The following FOXP4 variants were observed in gnomAD, a reference collection of about 807,000 sequenced individuals.
FOXP4 encodes the protein forkhead box protein P4.
In FOXP4, 25 loss-of-function variants were observed where a neutral mutation model predicts 82.6. The observed-to-expected ratio is 0.30, with a 90% confidence interval of 0.22 to 0.42. FOXP4 has a LOEUF of 0.42. Among genes scored for constraint, FOXP4 ranks in the 10% least tolerant of loss-of-function variants. The pLI, the probability that FOXP4 is intolerant of heterozygous loss-of-function variation, is 1.00. For missense variants in FOXP4, 785 were observed against 900.9 expected (o/e 0.87, Z 1.65); for synonymous variants, 415 against 388.2 (o/e 1.07, Z -0.81).
Position 41,600,254 on chromosome 6 carries a change from G to A in FOXP4, c.*1318G>A, listed in dbSNP as rs1212781791. 1.3e-5 allele frequency: 2 copies of A among 152,474 alleles called. No individual in the cohort carries two copies. The highest frequency in any genetic ancestry group is 2.0e-4 in the East Asian group (1 of 5,088). 9.4% of individuals were successfully genotyped at this position (152,474 alleles called of 1,614,324 possible). On this transcript the variant is annotated 3_prime_UTR_variant, in exon 17 of 17. Coordinates refer to ENST00000307972, the MANE Select transcript of FOXP4 (RefSeq NM_001012426.2). ...CTCTCACCCCCTCAGGAGTGGGCAC[G>A]GGAGCCCTTCTCCCTGACCCTGGGC...
chr6:41,562,493 C>T (rs953215976), intron 1 of FOXP4, among the ~76,000 whole-genome samples: 1 of 152,072 alleles, frequency 6.6e-6, no homozygotes, highest in Admixed American at 6.6e-5. Flanking sequence ...CTGTATGCCC[C>T]CCCCATAAAA....
intron 3 of FOXP4, among the ~76,000 whole-genome samples, chr6:41,580,908 C>T (rs1765762191): frequency 6.6e-6 from 1 of 152,224 alleles, no homozygotes. Flanking sequence ...CCTCCAGAGC[C>T]AGCTTCAGAA....
chr6:41,548,487 G>A (rs1268368568), intron 1 of FOXP4: 7 of 152,422 alleles, frequency 4.6e-5, no homozygotes, highest in Non-Finnish European at 7.3e-5. Flanking sequence ...CAGCTTGAGG[G>A]GCAATTGTTA....
At chr6:41,550,079 A>G (rs553980429) in intron 1 of FOXP4, among the ~76,000 whole-genome samples, 2 of 152,262 alleles carry the variant, frequency 1.3e-5, no homozygotes, top group East Asian at 1.9e-4. Flanking sequence ...CAGGACTCTC[A>G]GGCTCCGTTG....
rs548700385 is a variant in FOXP4, at chr6:41,586,892, A to G, written c.511-117A>G. On this transcript the variant is annotated intron_variant, in intron 5 of 16. Transcript: ENST00000307972. ...AGACACTGCAGCTGCAGACGCCACAACGACAGCTCCAGGGGCTGACAGGCC... is the reference window on the plus strand; with the variant it reads ...AGACACTGCAGCTGCAGACGCCACAGCGACAGCTCCAGGGGCTGACAGGCC... 1.3e-4 allele frequency: 189 copies of G among 1,432,420 alleles called. 2 individuals carry two copies. In the South Asian group the frequency reaches 2.5e-3, roughly 19 times the overall value. 88.7% of individuals were successfully genotyped at this position (1,432,420 alleles called of 1,614,324 possible). A position where few individuals can be genotyped will look rare whatever the true frequency, so the allele number is the denominator to read the frequency against.
chr6:41,574,975 G>T (rs1765394900), intron 2 of FOXP4, among the ~76,000 whole-genome samples: 1 of 152,018 alleles, frequency 6.6e-6, no homozygotes, highest in African/African-American at 2.4e-5. Context: ...GTTTTGTTTT[G>T]TTTTGTTTTT....
intron 3 of FOXP4, among the ~76,000 whole-genome samples, chr6:41,578,300 C>T (rs1371883469): frequency 1.3e-5 from 2 of 152,244 alleles, no homozygotes; most frequent in Non-Finnish European, 2.9e-5. Flanking sequence ...CTAGCTTAGC[C>T]TCTTTGTCCC....
At chr6:41,576,484 G>C (rs1484661531) in intron 2 of FOXP4, among the ~76,000 whole-genome samples, 1 of 152,156 alleles carries the variant, frequency 6.6e-6, no homozygotes, top group African/African-American at 2.4e-5. Flanking sequence ...AGGTGCTTGT[G>C]GTGGGGTAGG....
intron 1 of FOXP4, among the ~76,000 whole-genome samples, chr6:41,549,620 A>C (rs1463819980): frequency 1.7e-4 from 25 of 151,420 alleles, no homozygotes; most frequent in Admixed American, 1.6e-3. Context: ...CTGAGCCCCT[A>C]CTCTGCCTGG....
chr6:41,594,751 C>T (rs1460713625), intron 13 of FOXP4, 119 bp from the exon 14 acceptor site: 11 of 1,469,488 alleles, frequency 7.5e-6, no homozygotes, highest in African/African-American at 2.8e-5. Context: ...CTCCCCTGCT[C>T]ATCCCTGAGC....
chr6:41,571,600 G>T (rs1241615776), intron 2 of FOXP4, among the ~76,000 whole-genome samples: 3 of 152,170 alleles, frequency 2.0e-5, no homozygotes, highest in Admixed American at 2.0e-4. Flanking sequence ...TCATTTTAAT[G>T]GTTCTAATTT....
At chr6:41,555,415 G>GC (rs1330765934) in intron 1 of FOXP4, among the ~76,000 whole-genome samples, 1 of 152,154 alleles carries the variant, frequency 6.6e-6, no homozygotes, top group African/African-American at 2.4e-5. Context: ...GTCATCACTT[G>GC]CCCCCTACAT....
At chr6:41,561,322 TC>T (rs35453587) in intron 1 of FOXP4, among the ~76,000 whole-genome samples, 52,942 of 151,980 alleles carry the variant, frequency 0.35, 9,830 homozygotes, top group African/African-American at 0.47. Flanking sequence ...CGGTGCTATC[TC>T]CCATTTGCCC....
In FOXP4 at chr6:41,593,625, G is replaced by A. The variant is rs1206895382; in HGVS notation, c.1537-1245G>A. On this transcript the variant is annotated intron_variant, in intron 13 of 16. Coordinates refer to ENST00000307972, the MANE Select transcript of FOXP4 (RefSeq NM_001012426.2). The surrounding 1 kb of genome is among the most constrained non-coding windows in gnomAD (Gnocchi z 4.1). Reference sequence around the variant, plus strand: ...GGAGGATCGGAGCCCCGTAATGCGGGCAAATTTATTCCGAGGCAGGAGCCC... The same window carrying A: ...GGAGGATCGGAGCCCCGTAATGCGGACAAATTTATTCCGAGGCAGGAGCCC... Among the ~76,000 whole-genome samples, 2 of 152,218 alleles carry A rather than the reference G, an allele frequency of 1.3e-5. No homozygotes were observed. The highest frequency in any genetic ancestry group is 4.8e-5 in the African/African-American group (2 of 41,454).
chr6:41,577,871 C>A (rs560910768), intron 2 of FOXP4, 115 bp from the exon 3 acceptor site: 7 of 703,746 alleles, frequency 9.9e-6, no homozygotes, highest in South Asian at 7.0e-5. Context: ...CCCTCTCACC[C>A]CCAAGACCTT....
chr6:41,552,803 T>C (rs1764073378), intron 1 of FOXP4, among the ~76,000 whole-genome samples: 1 of 152,070 alleles, frequency 6.6e-6, no homozygotes, highest in Non-Finnish European at 1.5e-5. Flanking sequence ...CCACCGATTG[T>C]GCTCAGAGAT....
intron 2 of FOXP4, 86 bp downstream of exon 2, chr6:41,566,050 A>C (rs1581724666): frequency 1.5e-6 from 2 of 1,371,074 alleles, no homozygotes; most frequent in Non-Finnish European, 9.9e-7. Flanking sequence ...CTGGAGCACC[A>C]CTCCCTGCCA....
chr6:41,599,093 A>C lies in FOXP4; in HGVS notation c.*157A>C. The C allele has an allele frequency of 9.8e-7, 1 of 1,025,238 alleles. No individual in the cohort carries two copies. Among genetic ancestry groups the C allele is most frequent in the Non-Finnish European group, 1.4e-6 (1 of 718,460 alleles). The allele number at this position is 1,025,238 out of a possible 1,614,324, so 63.5% of individuals were successfully genotyped here. A position where few individuals can be genotyped will look rare whatever the true frequency, so the allele number is the denominator to read the frequency against. ...AGCAGCTCCCAGTGTGACCTGACAA[A>C]AACACGTAGGGGCAGGGACGGTCCC... On this transcript the variant is annotated 3_prime_UTR_variant, in exon 17 of 17. Coordinates refer to ENST00000307972, the MANE Select transcript of FOXP4 (RefSeq NM_001012426.2).
intron 12 of FOXP4, 140 bp downstream of exon 12, chr6:41,590,487 C>G (rs1257938712): frequency 1.2e-6 from 1 of 866,548 alleles, no homozygotes; most frequent in African/African-American, 1.7e-5. Context: ...GGTCTTCCCT[C>G]TCTGCTGTGC....
Sources: allele counts gnomAD v4.1 joint callset (sites outside exome capture counted in the v4.1 genomes callset), GRCh38; gene constraint gnomAD v4.1.1; non-coding constraint Gnocchi (gnomAD v3.1); transcripts MANE v1.5; gene names NCBI Gene and HGNC (gene_info 2026-07-23, HGNC 2026-07-21).